Variants in CADPS observed in about 807,000 individuals in gnomAD.
CADPS encodes the protein calcium-dependent secretion activator 1.
CADPS carries 57 observed loss-of-function variants against 167.3 expected under a neutral mutation model. The observed-to-expected ratio is 0.34, with a 90% confidence interval of 0.28 to 0.42. CADPS has a LOEUF of 0.42. Ranked by LOEUF, CADPS falls within the 20% of genes least tolerant of loss-of-function variation. CADPS has a pLI of 1.00. For missense variants in CADPS, 1,414 were observed against 1,738.1 expected (o/e 0.81, Z 3.32); for synonymous variants, 676 against 635.3 (o/e 1.06, Z -0.96).
chr3:62,571,008 G>A (rs1006285260), intron 8 of CADPS, 70 bp from the exon 9 acceptor site: 50 of 1,012,838 alleles, frequency 4.9e-5, no homozygotes, highest in Admixed American at 8.8e-5. Context: ...ACACTTTGCC[G>A]TGAAGCTTGG....
chr3:62,765,431 A>C (rs1391212530), intron 2 of CADPS, among the ~76,000 whole-genome samples: 1 of 152,162 alleles, frequency 6.6e-6, no homozygotes, highest in Non-Finnish European at 1.5e-5. Flanking sequence ...TCATGAAGCC[A>C]CCATCCTTGG....
At chr3:62,521,896 T>C (rs760644548) in intron 13 of CADPS, among the ~76,000 whole-genome samples, 21 of 152,276 alleles carry the variant, frequency 1.4e-4, no homozygotes, top group Admixed American at 4.6e-4. Context: ...ACTCCATATC[T>C]AAGCTGGACT....
At chr3:62,534,386 A>C (rs115385061) in intron 12 of CADPS, among the ~76,000 whole-genome samples, 2,064 of 152,298 alleles carry the variant, frequency 0.014, 47 homozygotes, top group African/African-American at 0.046. Context: ...TCAATTGACA[A>C]CATGCAGCTC....
intron 26 of CADPS, among the ~76,000 whole-genome samples, chr3:62,454,134 A>G (rs1467790078): frequency 6.6e-6 from 1 of 152,204 alleles, no homozygotes; most frequent in African/African-American, 2.4e-5. Flanking sequence ...AGGTTTCTCT[A>G]AGTTGCCTAT....
At chr3:62,866,464 G>C (rs575900096) in intron 1 of CADPS, among the ~76,000 whole-genome samples, 70 of 152,110 alleles carry the variant, frequency 4.6e-4, no homozygotes, top group African/African-American at 8.9e-4. Flanking sequence ...AGTCTAGTGA[G>C]TGATAGGCAT....
intron 1 of CADPS, among the ~76,000 whole-genome samples, chr3:62,857,309 T>C (rs2079902685): frequency 6.6e-6 from 1 of 152,122 alleles, no homozygotes. Context: ...TCACTCATGC[T>C]CCACTAGTGG....
In CADPS at chr3:62,574,423, G is replaced by T. The variant is rs574754604; in HGVS notation, c.1578-3485C>A. Among the ~76,000 whole-genome samples the T allele has an allele frequency of 2.6e-5, 4 of 152,202 alleles. No homozygotes were observed. In the South Asian group the frequency reaches 8.3e-4, roughly 32 times the overall value. On this transcript the variant is annotated intron_variant, in intron 8 of 29. Transcript: ENST00000383710. The stretch of plus-strand genomic sequence containing the variant: ...GAGATTAGTGAAGAGCTGGTCACAG[G>T]GGCTCAGGCAAGAGAGGTGATGGCT...
chr3:62,524,713 A>C (rs2151851602), intron 13 of CADPS, among the ~76,000 whole-genome samples: 1 of 152,316 alleles, frequency 6.6e-6, no homozygotes, highest in African/African-American at 2.4e-5. Flanking sequence ...ACAGTCACAA[A>C]GAATATGGAT....
At chr3:62,509,474 G>T (rs941095200) in intron 17 of CADPS, among the ~76,000 whole-genome samples, 1 of 152,008 alleles carries the variant, frequency 6.6e-6, no homozygotes, top group Admixed American at 6.6e-5. Context: ...CTATGTGTTG[G>T]TGAGTTTTGC....
At position 62,420,897 on chromosome 3, in the gene CADPS, CACACAG is replaced by C. The variant is rs1450523146; in HGVS notation, c.3777+17201_3777+17206del. Among the ~76,000 whole-genome samples the C allele has an allele frequency of 2.9e-4, 36 of 123,246 alleles. 1 individual carries two copies. The highest frequency in any genetic ancestry group is 9.7e-4 in the African/African-American group (28 of 28,732). The allele number at this position is 123,246 out of a possible 152,430, so 80.9% of individuals were successfully genotyped here. ...ACACACACACACACACACACACACA[CACACAG>C]GCACACACACACACACTTGCCAGAT... On this transcript the variant is annotated intron_variant, in intron 28 of 29. Transcript: ENST00000383710. The surrounding 1 kb of genome is among the most constrained non-coding windows in gnomAD (Gnocchi z 4.1).
At position 62,478,440 on chromosome 3, in the gene CADPS, T is replaced by G. The variant is rs750404711; in HGVS notation, c.3174-24A>C. On this transcript the variant is annotated intron_variant, in intron 22 of 29. Transcript: ENST00000383710. This position sits in a 1 kb window ranked among gnomAD's most constrained non-coding sequence, Gnocchi z 5.7. ...TACTGGCAGGACAAAAATTAGAAAA[T>G]GAGAGTCACCCACTGGCCTCAGGCT... The G allele has an allele frequency of 3.7e-6, 6 of 1,605,558 alleles. No individual in the cohort carries two copies. In the South Asian group the frequency reaches 6.7e-5, roughly 18 times the overall value.
At chr3:62,621,897 C>CCT (rs1554003694) in intron 6 of CADPS, among the ~76,000 whole-genome samples, 2 of 147,458 alleles carry the variant, frequency 1.4e-5, no homozygotes, top group Non-Finnish European at 1.5e-5. Flanking sequence ...CTACTTACTT[C>CCT]TTTTTTTTTT....
intron 11 of CADPS, among the ~76,000 whole-genome samples, chr3:62,546,513 C>A (rs1472466472): frequency 1.3e-5 from 2 of 152,138 alleles, no homozygotes; most frequent in African/African-American, 2.4e-5. Flanking sequence ...CAAATTACAG[C>A]AGCTGTGAAG....
chr3:62,662,236 G>C, intron 4 of CADPS, 78 bp downstream of exon 4: 4 of 1,188,522 alleles, frequency 3.4e-6, no homozygotes, highest in Non-Finnish European at 3.8e-6. Flanking sequence ...TTATCCTTTA[G>C]AGGCTGTCAA....
At chr3:62,593,642 C>G (rs2086580870) in intron 6 of CADPS, among the ~76,000 whole-genome samples, 1 of 152,182 alleles carries the variant, frequency 6.6e-6, no homozygotes, top group South Asian at 2.1e-4. Flanking sequence ...ATCTCACAAG[C>G]CTCCTGACTC....
rs1414261036 is a variant in CADPS at position 62,465,481 on chromosome 3, T to G, written c.3553-31A>C. Reference sequence around the variant, plus strand: ...AAAACAGCAAAAAAGAAAAAAATGTTATTTCAAACTATAATTGTTCACCAT... The same window carrying G: ...AAAACAGCAAAAAAGAAAAAAATGTGATTTCAAACTATAATTGTTCACCAT... On this transcript the variant is annotated intron_variant, in intron 25 of 29. Transcript: ENST00000383710. The surrounding 1 kb of genome is among the most constrained non-coding windows in gnomAD (Gnocchi z 4.1). 7.0e-7 allele frequency: 1 copy of G among 1,438,838 alleles called. No individual in the cohort carries two copies. Among genetic ancestry groups the G allele is most frequent in the Non-Finnish European group, 9.7e-7 (1 of 1,030,524 alleles). 89.1% of individuals were successfully genotyped at this position (1,438,838 alleles called of 1,614,324 possible).
intron 6 of CADPS, among the ~76,000 whole-genome samples, chr3:62,607,850 T>C (rs17066685): frequency 1.1e-3 from 164 of 152,244 alleles, no homozygotes; most frequent in African/African-American, 3.6e-3. Context: ...TCAACACTTA[T>C]GAGAAACCAC....
At chr3:62,622,285 C>T (rs1165531409) in intron 6 of CADPS, among the ~76,000 whole-genome samples, 1 of 152,084 alleles carries the variant, frequency 6.6e-6, no homozygotes, top group Non-Finnish European at 1.5e-5. Context: ...CTCTCAACCA[C>T]AAATGTTTAT....
Position 62,491,388 on chromosome 3 carries a change from C to T in CADPS, c.2977G>A (p.Ala993Thr). Residue 993 changes from alanine (A) to threonine (T), a missense_variant, in exon 21 of 30, where the codon GCA becomes ACA. By Grantham distance (58) the Ala-to-Thr change is moderately conservative. Around this residue, in one of 6 missense-constraint regions of CADPS, gnomAD observed 529 missense variants for 629.6 expected, o/e 0.84. Coordinates refer to ENST00000383710, the MANE Select transcript of CADPS (RefSeq NM_003716.4). ...RYVDLMESSI[A>T]QSIHRGFERE... The stretch of plus-strand genomic sequence containing the variant: ...TCAAAGCCCCTGTGAATGGATTGTG[C>T]AATTGAGGACTCCATCAGATCCACA... The T allele has an allele frequency of 6.2e-7, 1 of 1,614,118 alleles. No individual in the cohort carries two copies. The highest frequency in any genetic ancestry group is 1.6e-4 in the Middle Eastern group (1 of 6,062).
Sources: allele counts gnomAD v4.1 joint callset (sites outside exome capture counted in the v4.1 genomes callset), GRCh38; gene constraint gnomAD v4.1.1; regional missense constraint gnomAD v4.1.1; non-coding constraint Gnocchi (gnomAD v3.1); transcripts MANE v1.5; gene names NCBI Gene and HGNC (gene_info 2026-07-23, HGNC 2026-07-21).